Variants in ZPLD1 observed in about 807,000 individuals in gnomAD.
ZPLD1 encodes the protein zona pellucida-like domain-containing protein 1.
A neutral mutation model predicts 47.2 loss-of-function variants in ZPLD1; 34 were observed. The ratio of observed to expected loss-of-function variants is 0.72; its 90% CI spans 0.55 to 0.96. ZPLD1 has a LOEUF of 0.96. Among genes scored for constraint, ZPLD1 ranks in the 40% least tolerant of loss-of-function variants. The pLI is 0.00. For synonymous variants in ZPLD1, 176 were observed against 186.2 expected, an observed-to-expected ratio of 0.95 and a Z score of 0.45; for missense variants, 512 against 505.8, an observed-to-expected ratio of 1.01 and a Z score of -0.12.
intron 3 of ZPLD1, among the ~76,000 whole-genome samples, chr3:102,447,002 C>T (rs1707265567): frequency 6.6e-6 from 1 of 152,072 alleles, no homozygotes; most frequent in Middle Eastern, 3.4e-3. Context: ...TAAGTAAAAC[C>T]AATTGCCTCT....
At chr3:102,471,764 T>C (rs1707689729) in intron 10 of ZPLD1, among the ~76,000 whole-genome samples, 1 of 152,246 alleles carries the variant, frequency 6.6e-6, no homozygotes, top group African/African-American at 2.4e-5. Context: ...GGAAAATGTT[T>C]CTTCATTTTT....
At chr3:102,388,451 CTGTCTGTGTGTGTG>C (rs370415004) in intron 6 of ZPLD1, among the ~76,000 whole-genome samples, 2 of 131,882 alleles carry the variant, frequency 1.5e-5, no homozygotes, top group South Asian at 2.3e-4. Context: ...CTCTCTCTCT[CTGTCTGTGTGTGTG>C]TGTGTGTGTG....
In ZPLD1 at chr3:102,477,513, G is replaced by A. The variant is rs1426080231; in HGVS notation, c.1143G>A (p.Leu381=). Residue 381 remains leucine, a synonymous_variant, in exon 12 of 12, where the codon CTG becomes CTA. Transcript: ENST00000466937. ...TSALISGMVI[L]GVTSFSLLLC... ...CACTGATATCAGGAATGGTCATTCTGGGAGTTACGAGCTTTTCTCTTCTTC... is the reference window on the plus strand; with the variant it reads ...CACTGATATCAGGAATGGTCATTCTAGGAGTTACGAGCTTTTCTCTTCTTC... The A allele has an allele frequency of 6.2e-7, 1 of 1,613,832 alleles. No individual in the cohort carries two copies.
intron 2 of ZPLD1, 128 bp from the exon 3 acceptor site, chr3:102,438,352 G>T (rs192926395): frequency 1.0e-5 from 6 of 600,154 alleles, no homozygotes; most frequent in South Asian, 6.6e-5. Flanking sequence ...CAGTTATTTC[G>T]TGAGCTTTGG....
intron 7 of ZPLD1, among the ~76,000 whole-genome samples, chr3:102,409,534 G>A (rs1706727435): frequency 6.6e-6 from 1 of 151,778 alleles, no homozygotes; most frequent in African/African-American, 2.4e-5. Context: ...TTAAAAACAT[G>A]TTAAACTATC....
intron 8 of ZPLD1, among the ~76,000 whole-genome samples, chr3:102,425,535 C>G (rs1418651647): frequency 6.6e-6 from 1 of 152,098 alleles, no homozygotes; most frequent in Non-Finnish European, 1.5e-5. Context: ...TTTCTTTTGA[C>G]AGAGATCATT....
chr3:102,410,727 T>C (rs749875884), intron 7 of ZPLD1, among the ~76,000 whole-genome samples: 12 of 151,746 alleles, frequency 7.9e-5, no homozygotes, highest in Non-Finnish European at 1.5e-4. Context: ...GGAGAGTTGC[T>C]GTTTGGCACC....
At chr3:102,474,843 C>T (rs937403623) in intron 10 of ZPLD1, among the ~76,000 whole-genome samples, 1 of 152,002 alleles carries the variant, frequency 6.6e-6, no homozygotes, top group Non-Finnish European at 1.5e-5. Context: ...AGTTCTAATT[C>T]CAGAAGGCTT....
chr3:102,412,467 A>G (rs1012508027), intron 7 of ZPLD1, among the ~76,000 whole-genome samples: 1 of 151,782 alleles, frequency 6.6e-6, no homozygotes, highest in Non-Finnish European at 1.5e-5. Flanking sequence ...TTAGAAGTGA[A>G]CATGATATTA....
chr3:102,449,858 A>C (rs1707310260), intron 3 of ZPLD1, among the ~76,000 whole-genome samples: 1 of 152,156 alleles, frequency 6.6e-6, no homozygotes, highest in South Asian at 2.1e-4. Flanking sequence ...AAGACAAGAG[A>C]GGACTCCTGT....
chr3:102,404,676 A>G (rs1403027914), intron 7 of ZPLD1, among the ~76,000 whole-genome samples: 1 of 152,014 alleles, frequency 6.6e-6, no homozygotes, highest in Non-Finnish European at 1.5e-5. Context: ...CACAACTGTA[A>G]GTAGAGGCCA....
chr3:102,394,543 A>G (rs1465035561), intron 7 of ZPLD1, among the ~76,000 whole-genome samples: 1 of 114,498 alleles, frequency 8.7e-6, no homozygotes, highest in Non-Finnish European at 2.1e-5. Flanking sequence ...AAAAAAATGA[A>G]AAAAAAAGTT....
chr3:102,444,413 G>C (rs1270089025), intron 3 of ZPLD1, among the ~76,000 whole-genome samples: 2 of 152,056 alleles, frequency 1.3e-5, no homozygotes, highest in African/African-American at 4.8e-5. Flanking sequence ...ATCAGCTGTT[G>C]GTATTTCGTG....
chr3:102,457,652 A>G, intron 5 of ZPLD1, 129 bp from the exon 6 acceptor site: 2 of 768,740 alleles, frequency 2.6e-6, no homozygotes, highest in Non-Finnish European at 4.3e-6. Flanking sequence ...TAAACAGTAT[A>G]GCAACTCCAG....
At chr3:102,390,762 C>T (rs1706486194) in intron 6 of ZPLD1, among the ~76,000 whole-genome samples, 1 of 152,152 alleles carries the variant, frequency 6.6e-6, no homozygotes, top group African/African-American at 2.4e-5. Flanking sequence ...TTTTCCTTGC[C>T]ACACGTTGCT....
At chr3:102,477,098 A>C in intron 11 of ZPLD1, 57 bp downstream of exon 11, 1 of 1,576,682 alleles carries the variant, frequency 6.3e-7, no homozygotes, top group East Asian at 2.2e-5. Context: ...TCAGTTACAA[A>C]GCTGTAATCA....
chr3:102,419,894 C>A (rs1706856266), intron 8 of ZPLD1, among the ~76,000 whole-genome samples: 1 of 149,554 alleles, frequency 6.7e-6, no homozygotes. Flanking sequence ...GTTAATTTAC[C>A]AAATTTGTCC....
rs201506485 is a variant in ZPLD1 at position 102,392,511 on chromosome 3, T to TCTTC, written c.-157+309_-157+312dup. ...TCAGGTGGATCTCCCTTCCTTTCTT[T>TCTTC]CTTCCTTCCTTCCTTCCTTCCTTCC... On this transcript the variant is annotated intron_variant, in intron 7 of 17. Coordinates refer to the ZPLD1 transcript ENST00000491959. Among the ~76,000 whole-genome samples, 431 of 150,740 alleles carry TCTTC rather than the reference T, an allele frequency of 2.9e-3. 1 individual carries two copies. The highest frequency in any genetic ancestry group is 0.01 in the Middle Eastern group (3 of 292).
chr3:102,456,992 G>A (rs1049424360), intron 5 of ZPLD1, among the ~76,000 whole-genome samples: 1 of 152,160 alleles, frequency 6.6e-6, no homozygotes, highest in Non-Finnish European at 1.5e-5. Context: ...TCCAAAGCAC[G>A]TACTCCAGGA....
Sources: gnomAD v4.1 joint callset for allele counts (sites outside exome capture counted in the v4.1 genomes callset) on GRCh38, gnomAD v4.1.1 for gene constraint, MANE v1.5 for transcripts, NCBI Gene and HGNC (gene_info 2026-07-23, HGNC 2026-07-21) for gene names.